WARS1: variants seen among roughly 807,000 people sequenced by gnomAD.
WARS1 encodes the protein tryptophan--tRNA ligase, cytoplasmic.
A neutral mutation model predicts 47.8 loss-of-function variants in WARS1; 17 were observed. The observed-to-expected ratio is 0.36, with a 90% CI of 0.24 to 0.53. The LOEUF is 0.53. Ranked by LOEUF, WARS1 falls within the 20% of genes least tolerant of loss-of-function variation. WARS1 has a pLI of 0.91. For synonymous variants in WARS1, 208 were observed against 228.1 expected, an observed-to-expected ratio of 0.91 and a Z score of 0.79; for missense variants, 434 against 608.0, an observed-to-expected ratio of 0.71 and a Z score of 3.01.
At chr14:100,337,314 G>C (rs981849942) in intron 9 of WARS1, 112 bp from the exon 10 acceptor site, 7 of 1,519,498 alleles carry the variant, frequency 4.6e-6, no homozygotes, top group South Asian at 3.7e-5. Context: ...TCAGATTCTG[G>C]ACCCGGGAAA....
Position 100,354,570 on chromosome 14 carries a change from A to G in WARS1, c.423-4T>C. On this transcript the variant is annotated splice_polypyrimidine_tract_variant and splice_region_variant and intron_variant, in intron 4 of 10. Transcript: ENST00000392882. ...ATCAAGAACCTGATTCATATCTCTA[A>G]AGGAAAAAGGAGAAGAGGAAGAGTG... 6.2e-7 allele frequency: 1 copy of G among 1,602,908 alleles called. No homozygotes were observed. Among genetic ancestry groups the G allele is most frequent in the Non-Finnish European group, 8.5e-7 (1 of 1,175,770 alleles).
rs1894659896 is a variant in WARS1 at position 100,346,931 on chromosome 14, T to C, written c.726-85A>G. 5 of 1,235,356 alleles carry C rather than the reference T, an allele frequency of 4.0e-6. No individual in the cohort carries two copies. The Admixed American group carries it at 9.1e-5, about 22-fold the overall frequency. The allele number at this position is 1,235,356 out of a possible 1,614,324, so 76.5% of individuals were successfully genotyped here. A position where few individuals can be genotyped will look rare whatever the true frequency, so the allele number is the denominator to read the frequency against. ...CACAGTTATTAAAATTGGATGCCAATGAGTAGTGGCATGGGCCAGACTCGG... is the reference window on the plus strand; with the variant it reads ...CACAGTTATTAAAATTGGATGCCAACGAGTAGTGGCATGGGCCAGACTCGG... On this transcript the variant is annotated intron_variant, in intron 6 of 10. Transcript: ENST00000392882.
chr14:100,345,039 G>T (rs1353429041), intron 7 of WARS1, among the ~76,000 whole-genome samples: 53 of 148,812 alleles, frequency 3.6e-4, no homozygotes, highest in Non-Finnish European at 6.7e-4. Context: ...CCCCGTCCGG[G>T]AGGGAGGTGG....
chr14:100,344,227 C>T (rs1008071861), intron 7 of WARS1, among the ~76,000 whole-genome samples: 37 of 152,086 alleles, frequency 2.4e-4, no homozygotes, highest in Non-Finnish European at 4.6e-4. Context: ...CAATTGCAGG[C>T]GCGCGCCGCC....
At chr14:100,367,203 G>C (rs1262875278) in intron 2 of WARS1, among the ~76,000 whole-genome samples, 1 of 151,832 alleles carries the variant, frequency 6.6e-6, no homozygotes, top group African/African-American at 2.4e-5. Flanking sequence ...CAGAGAAACA[G>C]TCTCTGAATT....
At chr14:100,342,155 A>T in intron 9 of WARS1, 1 of 349,696 alleles carries the variant, frequency 2.9e-6, no homozygotes, top group Non-Finnish European at 5.0e-6. Flanking sequence ...AAGGAAAAAA[A>T]GAAAAAAAAT....
At chr14:100,345,012 C>G (rs1894476395) in intron 7 of WARS1, among the ~76,000 whole-genome samples, 1 of 151,118 alleles carries the variant, frequency 6.6e-6, no homozygotes, top group Admixed American at 6.6e-5. Context: ...GGGGTCAGCC[C>G]CCCGCCCGGC....
At chr14:100,357,518 A>G (rs1371550624) in intron 4 of WARS1, among the ~76,000 whole-genome samples, 1 of 151,648 alleles carries the variant, frequency 6.6e-6, no homozygotes, top group African/African-American at 2.4e-5. Context: ...CTGGAGTGCA[A>G]TGGCACGATC....
intron 2 of WARS1, among the ~76,000 whole-genome samples, chr14:100,362,172 G>C (rs1895702921): frequency 6.6e-6 from 1 of 152,170 alleles, no homozygotes. Flanking sequence ...ATTTTTATCT[G>C]TTATTCTAGT....
intron 8 of WARS1, among the ~76,000 whole-genome samples, chr14:100,342,944 G>C (rs941803808): frequency 1.3e-5 from 2 of 152,056 alleles, no homozygotes; most frequent in Admixed American, 6.6e-5. Flanking sequence ...TGTCGCCCAG[G>C]CTAGAGTGCA....
intron 6 of WARS1, 125 bp from the exon 7 acceptor site, chr14:100,346,971 C>T: frequency 1.2e-6 from 1 of 802,048 alleles, no homozygotes; most frequent in Non-Finnish European, 2.1e-6. Flanking sequence ...ACATTGTGGT[C>T]AACACGTAAG....
At chr14:100,360,740 G>C (rs1895613248) in intron 3 of WARS1, 78 bp from the exon 4 acceptor site, 1 of 1,088,666 alleles carries the variant, frequency 9.2e-7, no homozygotes, top group East Asian at 2.4e-5. Flanking sequence ...AAGATGAAAA[G>C]TGAGTGATCC....
intron 9 of WARS1, 25 bp from the exon 10 acceptor site, chr14:100,337,227 C>A (rs539900924): frequency 6.2e-7 from 1 of 1,611,012 alleles, no homozygotes; most frequent in Non-Finnish European, 8.5e-7. Context: ...GACACAGACA[C>A]GCTCCTCAGT....
At chr14:100,339,118 CACACAT>C (rs973605130) in intron 9 of WARS1, among the ~76,000 whole-genome samples, 14 of 36,060 alleles carry the variant, frequency 3.9e-4, no homozygotes, top group Admixed American at 4.8e-4. Context: ...CACACACACA[CACACAT>C]ACACACACAC....
intron 2 of WARS1, among the ~76,000 whole-genome samples, chr14:100,365,222 T>C (rs1183893414): frequency 6.6e-6 from 1 of 151,480 alleles, no homozygotes; most frequent in Non-Finnish European, 1.5e-5. Context: ...GAATGTGAGA[T>C]GGTTGACACA....
At chr14:100,371,355 T>C (rs1270601978) in intron 1 of WARS1, among the ~76,000 whole-genome samples, 9 of 140,620 alleles carry the variant, frequency 6.4e-5, no homozygotes, top group African/African-American at 2.4e-4. Flanking sequence ...GAGGCTGAGG[T>C]GGGAGAATTG....
At position 100,334,748 on chromosome 14, in the gene WARS1, T is replaced by C. The variant is rs1306793363; in HGVS notation, c.*127A>G. The stretch of plus-strand genomic sequence containing the variant: ...AACAGTATTGATAACATACACAGGC[T>C]TACAGAGGCCAGGCCCAGTAATTAC... On this transcript the variant is annotated 3_prime_UTR_variant, in exon 11 of 11. Coordinates refer to ENST00000392882, the MANE Select transcript of WARS1 (RefSeq NM_004184.4). The C allele has an allele frequency of 5.5e-6, 6 of 1,100,444 alleles. No homozygotes were observed. The highest frequency in any genetic ancestry group is 3.9e-6 in the Non-Finnish European group (3 of 765,180). The allele number at this position is 1,100,444 out of a possible 1,614,324, so 68.2% of individuals were successfully genotyped here.
Position 100,353,884 on chromosome 14 carries a change from G to T in WARS1, c.543-15C>A. ...CCTGGAGCCACCTAAAGAAACACAG[G>T]GGGAGAAAGCTGACGTCTCATCTCC... On this transcript the variant is annotated splice_polypyrimidine_tract_variant and intron_variant, in intron 5 of 10. Coordinates refer to ENST00000392882, the MANE Select transcript of WARS1 (RefSeq NM_004184.4). The T allele has an allele frequency of 6.2e-7, 1 of 1,610,090 alleles. No individual in the cohort carries two copies. The highest frequency in any genetic ancestry group is 8.5e-7 in the Non-Finnish European group (1 of 1,177,964).
At chr14:100,344,797 C>A (rs1193326751) in intron 7 of WARS1, among the ~76,000 whole-genome samples, 1 of 150,966 alleles carries the variant, frequency 6.6e-6, no homozygotes, top group African/African-American at 2.4e-5. Flanking sequence ...AGGTGAGGAG[C>A]GTCTCTGCCC....
Sources: gnomAD v4.1 joint callset for allele counts (sites outside exome capture counted in the v4.1 genomes callset) on GRCh38, gnomAD v4.1.1 for gene constraint, MANE v1.5 for transcripts, NCBI Gene and HGNC (gene_info 2026-07-23, HGNC 2026-07-21) for gene names.